The following AGAP1 variants were observed in gnomAD, a reference collection of about 807,000 sequenced individuals.
AGAP1 encodes ArfGAP with GTPase domain, ankyrin repeat and PH domain 1, also known as arf-GAP with GTPase, ANK repeat and PH domain-containing protein 1.
In AGAP1, 29 loss-of-function variants were observed where a neutral mutation model predicts 105.3. That is an observed-to-expected ratio of 0.28 (90% CI 0.21 to 0.38). AGAP1 has a LOEUF of 0.38. AGAP1 is among the 10% of genes least tolerant of loss of function. AGAP1 has a pLI of 1.00. For missense variants in AGAP1, 998 were observed against 1,165.1 expected (o/e 0.86, Z 2.09); for synonymous variants, 509 against 485.9 (o/e 1.05, Z -0.63).
intron 1 of AGAP1, among the ~76,000 whole-genome samples, chr2:235,628,425 G>A (rs763721348): frequency 4.6e-5 from 7 of 152,144 alleles, no homozygotes; most frequent in South Asian, 2.1e-4. Flanking sequence ...AGGCAGGGCC[G>A]GAAAGGGGAT....
intron 12 of AGAP1, among the ~76,000 whole-genome samples, chr2:235,966,056 A>T (rs541628350): frequency 1.7e-5 from 2 of 120,100 alleles, no homozygotes; most frequent in South Asian, 6.0e-4. Flanking sequence ...GATGGAGGAG[A>T]GGGGAGCCCG....
intron 1 of AGAP1, among the ~76,000 whole-genome samples, chr2:235,619,638 G>A (rs953005775): frequency 2.0e-5 from 3 of 152,198 alleles, no homozygotes; most frequent in Admixed American, 6.5e-5. Context: ...CCCTGCAGAT[G>A]CAGCTCTTTT....
intron 1 of AGAP1, among the ~76,000 whole-genome samples, chr2:235,558,286 A>G (rs923998519): frequency 1.3e-5 from 2 of 151,378 alleles, no homozygotes; most frequent in African/African-American, 4.9e-5. Context: ...CTATTCTGTC[A>G]CCTCCTTCTC....
chr2:236,099,634 T>C (rs1046286730), intron 16 of AGAP1, among the ~76,000 whole-genome samples: 1 of 150,296 alleles, frequency 6.7e-6, no homozygotes, highest in African/African-American at 2.5e-5. Flanking sequence ...CACTATATGG[T>C]TTTTTATTGT....
In AGAP1 at chr2:235,600,502, C is replaced by T. The variant is rs1945692450; in HGVS notation, c.163+105653C>T. 6.6e-6 allele frequency among the ~76,000 whole-genome samples: 1 copy of T among 152,104 alleles called. No individual in the cohort carries two copies. Among genetic ancestry groups the T allele is most frequent in the Non-Finnish European group, 1.5e-5 (1 of 68,028 alleles). On this transcript the variant is annotated intron_variant, in intron 1 of 17. Coordinates refer to ENST00000304032, the MANE Select transcript of AGAP1 (RefSeq NM_001037131.3). The surrounding 1 kb of genome is among the most constrained non-coding windows in gnomAD (Gnocchi z 4.8). ...TCTCTAGAGGGATGGAACCAATAGG[C>T]CAGATATGTAATAAAGGGGAGTTTA...
rs140080787 is a variant in AGAP1 at position 235,593,101 on chromosome 2, A to G, written c.163+98252A>G. 4.9e-3 allele frequency among the ~76,000 whole-genome samples: 746 copies of G among 152,280 alleles called. 3 individuals carry two copies. Among genetic ancestry groups the G allele is most frequent in the Non-Finnish European group, 8.2e-3 (561 of 68,026 alleles). Reference sequence around the variant, plus strand: ...AGTGAGGGAGAGGGGAGAGGGATGCAGGTTGTGGGCCTGTAATCCTTATTG... The same window carrying G: ...AGTGAGGGAGAGGGGAGAGGGATGCGGGTTGTGGGCCTGTAATCCTTATTG... On this transcript the variant is annotated intron_variant, in intron 1 of 17. Coordinates refer to ENST00000304032, the MANE Select transcript of AGAP1 (RefSeq NM_001037131.3).
At chr2:235,910,351 G>A (rs2051543197) in intron 11 of AGAP1, among the ~76,000 whole-genome samples, 1 of 14,916 alleles carries the variant, frequency 6.7e-5, no homozygotes, top group African/African-American at 5.9e-4. Flanking sequence ...AACACAAGCT[G>A]TTGTTTCTAA....
At chr2:235,823,251 A>G (rs1559530105) in intron 9 of AGAP1, among the ~76,000 whole-genome samples, 1 of 152,150 alleles carries the variant, frequency 6.6e-6, no homozygotes, top group Admixed American at 6.5e-5. Context: ...CTATAATTCT[A>G]TAGATTAACC....
intron 13 of AGAP1, among the ~76,000 whole-genome samples, chr2:236,024,745 T>C (rs2056998932): frequency 6.6e-6 from 1 of 152,210 alleles, no homozygotes; most frequent in Non-Finnish European, 1.5e-5. Flanking sequence ...GGAGGCAAAA[T>C]TAGCCCCATG....
At chr2:235,588,182 A>G (rs1945191640) in intron 1 of AGAP1, among the ~76,000 whole-genome samples, 1 of 150,360 alleles carries the variant, frequency 6.7e-6, no homozygotes, top group Non-Finnish European at 1.5e-5. Flanking sequence ...GTGAACCGAG[A>G]TTGTACCACT....
chr2:236,071,174 C>G (rs549867067), intron 16 of AGAP1, among the ~76,000 whole-genome samples: 1 of 152,340 alleles, frequency 6.6e-6, no homozygotes, highest in African/African-American at 2.4e-5. Context: ...ACATCAGTGG[C>G]CTTAGCCCCG....
In AGAP1 at chr2:236,002,684, G is replaced by A. The variant is rs2056173168; in HGVS notation, c.1646-33877G>A. ...AGGACACTTAAACATTTAAAGGGGG[G>A]ACACAGAGATGGGCAGGACTGTGAG... On this transcript the variant is annotated intron_variant, in intron 13 of 17. Transcript: ENST00000304032. This position sits in a 1 kb window ranked among gnomAD's most constrained non-coding sequence, Gnocchi z 4.3. Among the ~76,000 whole-genome samples, 1 of 152,092 alleles carries A rather than the reference G, an allele frequency of 6.6e-6. No individual in the cohort carries two copies. Among genetic ancestry groups the A allele is most frequent in the African/African-American group, 2.4e-5 (1 of 41,416 alleles).
Position 236,128,583 on chromosome 2 carries a change from C to T in AGAP1, c.*4461C>T, listed in dbSNP as rs927867198. Reference sequence around the variant, plus strand: ...AACTTGGTGGACTCATCTTACCCCACAAGAGTGGCCTGCTCAACCTGCAGC... The same window carrying T: ...AACTTGGTGGACTCATCTTACCCCATAAGAGTGGCCTGCTCAACCTGCAGC... On this transcript the variant is annotated 3_prime_UTR_variant, in exon 18 of 18. Coordinates refer to ENST00000304032, the MANE Select transcript of AGAP1 (RefSeq NM_001037131.3). This position sits in a 1 kb window ranked among gnomAD's most constrained non-coding sequence, Gnocchi z 5.9. 10 of 152,254 alleles carry T rather than the reference C, an allele frequency of 6.6e-5. No individual in the cohort carries two copies. The highest frequency in any genetic ancestry group is 2.4e-4 in the African/African-American group (10 of 41,452). 9.4% of individuals were successfully genotyped at this position (152,254 alleles called of 1,614,324 possible).
intron 16 of AGAP1, among the ~76,000 whole-genome samples, chr2:236,103,572 C>A (rs906769517): frequency 7.1e-6 from 1 of 140,664 alleles, no homozygotes; most frequent in Non-Finnish European, 1.6e-5. Flanking sequence ...TTCTTTTCTT[C>A]TTTTTTTTCC....
Position 235,799,536 on chromosome 2 carries a change from C to T in AGAP1, c.957+14C>T, listed in dbSNP as rs926568815. 12 of 1,611,606 alleles carry T rather than the reference C, an allele frequency of 7.4e-6. No homozygotes were observed. Among genetic ancestry groups the T allele is most frequent in the South Asian group, 2.2e-5 (2 of 90,968 alleles). On this transcript the variant is annotated intron_variant, in intron 8 of 17. Coordinates refer to ENST00000304032, the MANE Select transcript of AGAP1 (RefSeq NM_001037131.3). This position sits in a 1 kb window ranked among gnomAD's most constrained non-coding sequence, Gnocchi z 5.0. ...AACCTGTTCACCGTGAGTGTCAACC[C>T]TGGGTGGAGATTTGAATGCGATTCC...
chr2:236,100,487 G>T (rs1366484106), intron 16 of AGAP1, among the ~76,000 whole-genome samples: 1 of 152,118 alleles, frequency 6.6e-6, no homozygotes, highest in Non-Finnish European at 1.5e-5. Flanking sequence ...AACACCTAGT[G>T]GGTGTATAGA....
Position 235,960,938 on chromosome 2 carries a change from AC to A in AGAP1, c.1484-7523del, listed in dbSNP as rs1483123950. On this transcript the variant is annotated intron_variant, in intron 12 of 17. Coordinates refer to ENST00000304032, the MANE Select transcript of AGAP1 (RefSeq NM_001037131.3). The surrounding 1 kb of genome is among the most constrained non-coding windows in gnomAD (Gnocchi z 4.9). ...TTTAAAACTAAGTCGCGAAATTGAT[AC>A]ACTGCTGTGTGATACACCAGAAAGT... Among the ~76,000 whole-genome samples, 1 of 152,190 alleles carries A rather than the reference AC, an allele frequency of 6.6e-6. No individual in the cohort carries two copies. The highest frequency in any genetic ancestry group is 1.9e-4 in the East Asian group (1 of 5,182).
chr2:236,086,605 C>T (rs1559261995), intron 16 of AGAP1, among the ~76,000 whole-genome samples: 1 of 152,162 alleles, frequency 6.6e-6, no homozygotes, highest in Non-Finnish European at 1.5e-5. Context: ...CGTCACTCAG[C>T]ATAGAGCTGA....
intron 15 of AGAP1, among the ~76,000 whole-genome samples, chr2:236,041,435 C>G (rs1204170506): frequency 6.6e-6 from 1 of 151,952 alleles, no homozygotes; most frequent in Non-Finnish European, 1.5e-5. Flanking sequence ...TCTGATTGAA[C>G]TGATAGAAGT....
Sources: allele counts gnomAD v4.1 joint callset (sites outside exome capture counted in the v4.1 genomes callset), GRCh38; gene constraint gnomAD v4.1.1; non-coding constraint Gnocchi (gnomAD v3.1); transcripts MANE v1.5; gene names NCBI Gene and HGNC (gene_info 2026-07-23, HGNC 2026-07-21).